The following LPCAT4 variants were observed in gnomAD, a reference collection of about 807,000 sequenced individuals.
The protein encoded by LPCAT4 is lysophospholipid acyltransferase LPCAT4.
In LPCAT4, 30 loss-of-function variants were observed where a neutral mutation model predicts 66.5. That is an observed-to-expected ratio of 0.45 (90% CI 0.34 to 0.61). LPCAT4 has a LOEUF of 0.61. Among genes scored for constraint, LPCAT4 ranks in the 20% least tolerant of loss-of-function variants. The pLI is 0.01. For synonymous variants in LPCAT4, 253 were observed against 262.1 expected, an observed-to-expected ratio of 0.97 and a Z score of 0.34; for missense variants, 557 against 656.7, an observed-to-expected ratio of 0.85 and a Z score of 1.66.
rs762811914 is a variant in LPCAT4, at chr15:34,363,398, A to T, written c.746+24T>A. On this transcript the variant is annotated intron_variant, in intron 7 of 13. Transcript: ENST00000314891. The surrounding 1 kb of genome is among the most constrained non-coding windows in gnomAD (Gnocchi z 4.3). ...CTGATGGACCCTGCTCCCCACCCTC[A>T]CCCCCAGGAATACCAGAACTCACAC... 1 of 1,611,096 alleles carries T rather than the reference A, an allele frequency of 6.2e-7. No individual in the cohort carries two copies. The highest frequency in any genetic ancestry group is 8.5e-7 in the Non-Finnish European group (1 of 1,178,662).
chr15:34,362,968 A>T lies in LPCAT4; in HGVS notation c.747-132T>A, dbSNP rs1595620198. The stretch of plus-strand genomic sequence containing the variant: ...TTCTGCCCATTGATAATAGGGACAG[A>T]CTCCTAGCCATACAGTCAGGTGGGT... On this transcript the variant is annotated intron_variant, in intron 7 of 13. Transcript: ENST00000314891. 7 of 831,470 alleles carry T rather than the reference A, an allele frequency of 8.4e-6. No homozygotes were observed. The Admixed American group carries it at 1.5e-4, about 18-fold the overall frequency. 51.5% of individuals were successfully genotyped at this position (831,470 alleles called of 1,614,324 possible). A position where few individuals can be genotyped will look rare whatever the true frequency, so the allele number is the denominator to read the frequency against.
chr15:34,367,133 C>G lies in LPCAT4; in HGVS notation c.-33G>C. 1 of 1,504,772 alleles carries G rather than the reference C, an allele frequency of 6.6e-7. No individual in the cohort carries two copies. The highest frequency in any genetic ancestry group is 8.9e-7 in the Non-Finnish European group (1 of 1,125,228). 93.2% of individuals were successfully genotyped at this position (1,504,772 alleles called of 1,614,324 possible). ...GAAGGTGGGAGGGAGGGCACCCCGG[C>G]CCTGGCCCCGGCCACCACTCTGCAG... On this transcript the variant is annotated 5_prime_UTR_variant, in exon 1 of 14. Transcript: ENST00000314891.
chr15:34,359,428 G>C, intron 13 of LPCAT4, 126 bp from the exon 14 acceptor site: 1 of 1,320,362 alleles, frequency 7.6e-7, no homozygotes, highest in Non-Finnish European at 1.0e-6. Flanking sequence ...TCCAGGTTCA[G>C]GTCCTCTCTT....
At chr15:34,364,401 T>C in intron 3 of LPCAT4, 95 bp from the exon 4 acceptor site, 1 of 702,480 alleles carries the variant, frequency 1.4e-6, no homozygotes, top group Non-Finnish European at 2.4e-6. Context: ...ATGAGAAGTT[T>C]CTGTTATCTC....
At position 34,359,650 on chromosome 15, in the gene LPCAT4, A is replaced by G; in HGVS notation, c.1338T>C (p.Pro446=). 3.7e-6 allele frequency: 6 copies of G among 1,613,648 alleles called. No homozygotes were observed. Among genetic ancestry groups the G allele is most frequent in the Non-Finnish European group, 5.1e-6 (6 of 1,180,010 alleles). ...GCTCAGCATGCAAAGCTGTGGCAGC[A>G]GGGTGGGGTGAACCCAGCAGCAGGT... The part of the protein sequence containing the change: ...ILHLLLGSPH[P]AATALHAELC... The change falls in exon 13 of 14, where the codon CCT becomes CCC. Residue 446 remains proline, a synonymous_variant. Transcript: ENST00000314891.
In LPCAT4 at chr15:34,359,664, C is replaced by T. The variant is rs1195824520; in HGVS notation, c.1324G>A (p.Gly442Ser). The T allele has an allele frequency of 1.2e-6, 2 of 1,613,712 alleles. No homozygotes were observed. Among genetic ancestry groups the T allele is most frequent in the Non-Finnish European group, 8.5e-7 (1 of 1,180,004 alleles). ...GFSTILHLLL[G>S]SPHPAATALH... is the part of the protein sequence containing the mutation. ...GCTGTGGCAGCAGGGTGGGGTGAAC[C>T]CAGCAGCAGGTGCAGGATGGTGCTG... Residue 442 changes from glycine to serine, a missense_variant, in exon 13 of 14, where the codon GGT becomes AGT. By Grantham distance (56) the Gly-to-Ser change is moderately conservative. Around this residue, in one of 4 missense-constraint regions of LPCAT4, gnomAD observed 392 missense variants for 473.9 expected, o/e 0.83. Coordinates refer to ENST00000314891, the MANE Select transcript of LPCAT4 (RefSeq NM_153613.3).
At position 34,361,386 on chromosome 15, in the gene LPCAT4, T is replaced by A. The variant is rs1195757054; in HGVS notation, c.1143+14A>T. 6.2e-7 allele frequency: 1 copy of A among 1,614,046 alleles called. No individual in the cohort carries two copies. The highest frequency in any genetic ancestry group is 1.3e-5 in the African/African-American group (1 of 74,946). On this transcript the variant is annotated intron_variant, in intron 11 of 13. Coordinates refer to ENST00000314891, the MANE Select transcript of LPCAT4 (RefSeq NM_153613.3). Reference sequence around the variant, plus strand: ...GCCTGGGTTCTGCTCTGCTCTTTGTTCCAGCTCCTTTACCTGCTGGAAGTA... The same window carrying A: ...GCCTGGGTTCTGCTCTGCTCTTTGTACCAGCTCCTTTACCTGCTGGAAGTA...
intron 1 of LPCAT4, among the ~76,000 whole-genome samples, chr15:34,366,462 C>T (rs1191757809): frequency 4.6e-5 from 7 of 152,162 alleles, no homozygotes; most frequent in Admixed American, 3.9e-4. Context: ...CCCTCTCAGC[C>T]TCCCTGCCCC....
At chr15:34,362,684 C>G (rs755773327) in intron 8 of LPCAT4, 29 bp from the exon 9 acceptor site, 3 of 1,611,010 alleles carry the variant, frequency 1.9e-6, no homozygotes, top group Non-Finnish European at 2.5e-6. Flanking sequence ...CAATTCTTAT[C>G]AGAACCTCAA....
At position 34,363,352 on chromosome 15, in the gene LPCAT4, G is replaced by T; in HGVS notation, c.746+70C>A. 6.5e-7 allele frequency: 1 copy of T among 1,532,558 alleles called. No homozygotes were observed. Among genetic ancestry groups the T allele is most frequent in the Non-Finnish European group, 8.9e-7 (1 of 1,120,714 alleles). 94.9% of individuals were successfully genotyped at this position (1,532,558 alleles called of 1,614,324 possible). The stretch of plus-strand genomic sequence containing the variant: ...GGGCCATTCACCTTGTCGGGAGATT[G>T]GAAGATGGGCCAGGAATTCTCTGAT... On this transcript the variant is annotated intron_variant, in intron 7 of 13. Transcript: ENST00000314891. The surrounding 1 kb of genome is among the most constrained non-coding windows in gnomAD (Gnocchi z 4.3).
In LPCAT4 at chr15:34,360,138, C is replaced by G. The variant is rs1272140056; in HGVS notation, c.1215G>C (p.Leu405=). Residue 405 remains leucine, a synonymous_variant, in exon 12 of 14, where the codon CTG becomes CTC. Coordinates refer to ENST00000314891, the MANE Select transcript of LPCAT4 (RefSeq NM_153613.3). ...CAAAGGCCAGACGAGTTAGCTCTTC[C>G]AGGCTCCTGCCCCCATCCAGAGCTG... ...ALAALDGGRS[L]EELTRLAFEL... 2 of 1,613,778 alleles carry G rather than the reference C, an allele frequency of 1.2e-6. No homozygotes were observed. Among genetic ancestry groups the G allele is most frequent in the Non-Finnish European group, 1.7e-6 (2 of 1,179,958 alleles).
intron 7 of LPCAT4, 29 bp from the exon 8 acceptor site, chr15:34,362,865 CA>C (rs1595620090): frequency 5.0e-6 from 8 of 1,608,990 alleles, no homozygotes; most frequent in Non-Finnish European, 6.8e-6. Flanking sequence ...CGATACTCAC[CA>C]ATCTCTAACT....
chr15:34,364,410 T>C, intron 3 of LPCAT4, 104 bp from the exon 4 acceptor site: 3 of 588,800 alleles, frequency 5.1e-6, no homozygotes. Flanking sequence ...TTCTGTTATC[T>C]CTTTTTTTTT....
chr15:34,365,489 T>C, intron 2 of LPCAT4, 70 bp downstream of exon 2: 1 of 1,593,270 alleles, frequency 6.3e-7, no homozygotes, highest in Non-Finnish European at 8.6e-7. Flanking sequence ...CTTTTCTTCT[T>C]CTCAAAGAGG....
chr15:34,365,372 G>A, intron 2 of LPCAT4, 144 bp from the exon 3 acceptor site: 1 of 1,159,762 alleles, frequency 8.6e-7, no homozygotes, highest in South Asian at 1.5e-5. Flanking sequence ...GGCCACTTTG[G>A]GACCTATCAG....
In LPCAT4 at chr15:34,363,038, G is replaced by C. The variant is rs768241121; in HGVS notation, c.747-202C>G. 4.2e-4 allele frequency: 270 copies of C among 636,330 alleles called. 3 individuals are homozygous for C. The highest frequency in any genetic ancestry group is 3.8e-3 in the Middle Eastern group (9 of 2,364). 39.4% of individuals were successfully genotyped at this position (636,330 alleles called of 1,614,324 possible). Reference sequence around the variant, plus strand: ...ACAAGGAACGGCCAGAAACGCGGTAGGGAAAGAGAGCAGAGCTGCATGGAT... The same window carrying C: ...ACAAGGAACGGCCAGAAACGCGGTACGGAAAGAGAGCAGAGCTGCATGGAT... On this transcript the variant is annotated intron_variant, in intron 7 of 13. Coordinates refer to ENST00000314891, the MANE Select transcript of LPCAT4 (RefSeq NM_153613.3). This position sits in a 1 kb window ranked among gnomAD's most constrained non-coding sequence, Gnocchi z 4.3.
At position 34,364,221 on chromosome 15, in the gene LPCAT4, C is replaced by T. The variant is rs1891016383; in HGVS notation, c.564G>A (p.Arg188=). ...GCGGCCACTTGCCTCCTGAGGTGGC[C>T]CGCCTTCGGACCTCCTCCACCACTC... is the stretch of plus-strand genomic sequence containing the variant. The part of the protein sequence containing the change: ...RRRVVEEVRR[R]ATSGGKWPQV... The change falls in exon 4 of 14, where the codon CGG becomes CGA. Residue 188 remains arginine (R), a synonymous_variant. Coordinates refer to ENST00000314891, the MANE Select transcript of LPCAT4 (RefSeq NM_153613.3). 1.2e-6 allele frequency: 2 copies of T among 1,613,780 alleles called. No individual in the cohort carries two copies. Among genetic ancestry groups the T allele is most frequent in the Non-Finnish European group, 1.7e-6 (2 of 1,179,792 alleles).
rs200771197 is a variant in LPCAT4, at chr15:34,359,711, C to T, written c.1277G>A (p.Arg426His). ...FAEEQAEGPNRLLYKDGFSTI... is the reference protein window; with the variant it reads ...FAEEQAEGPNHLLYKDGFSTI... ...GCTGAAGCCGTCTTTGTACAGCAGG[C>T]GGTTGGGACCCTCTGCTTGCTCTTC... Residue 426 changes from arginine (R) to histidine (H), a missense_variant, in exon 13 of 14, where the codon CGC (arginine) becomes CAC (histidine). By Grantham distance (29) the Arg-to-His change is conservative. Coordinates refer to ENST00000314891, the MANE Select transcript of LPCAT4 (RefSeq NM_153613.3). 330 of 1,613,560 alleles carry T rather than the reference C, an allele frequency of 2.0e-4. 2 individuals carry two copies. The highest frequency in any genetic ancestry group is 7.9e-5 in the Non-Finnish European group (93 of 1,179,912).
chr15:34,367,148 C>T lies in LPCAT4; in HGVS notation c.-48G>A. 6.8e-7 allele frequency: 1 copy of T among 1,478,416 alleles called. No individual in the cohort carries two copies. The highest frequency in any genetic ancestry group is 9.0e-7 in the Non-Finnish European group (1 of 1,110,982). The allele number at this position is 1,478,416 out of a possible 1,614,324, so 91.6% of individuals were successfully genotyped here. ...GGCACCCCGGCCCTGGCCCCGGCCA[C>T]CACTCTGCAGAGCAGCTGCTGCTGC... On this transcript the variant is annotated 5_prime_UTR_variant, in exon 1 of 14. The change creates a new upstream start codon in the 5' untranslated region. Coordinates refer to ENST00000314891, the MANE Select transcript of LPCAT4 (RefSeq NM_153613.3).
Sources: allele counts gnomAD v4.1 joint callset (sites outside exome capture counted in the v4.1 genomes callset), GRCh38; gene constraint gnomAD v4.1.1; regional missense constraint gnomAD v4.1.1; non-coding constraint Gnocchi (gnomAD v3.1); transcripts MANE v1.5; gene names NCBI Gene and HGNC (gene_info 2026-07-23, HGNC 2026-07-21).